Variants in TPCN1 observed in about 807,000 individuals in gnomAD.
TPCN1 encodes the protein two pore segment channel 1.
A neutral mutation model predicts 108.8 loss-of-function variants in TPCN1; 52 were observed. The observed-to-expected ratio is 0.48, with a 90% CI of 0.38 to 0.60. The LOEUF is 0.60. TPCN1 is among the 20% of genes least tolerant of loss of function. The pLI, the probability that TPCN1 is intolerant of heterozygous loss-of-function variation, is 0.00. For synonymous variants in TPCN1, 446 were observed against 433.7 expected (o/e 1.03, Z -0.35); for missense variants, 806 against 1,072.8 (o/e 0.75, Z 3.47).
intron 17 of TPCN1, 56 bp from the exon 18 acceptor site, chr12:113,285,833 C>A (rs943973872): frequency 1.3e-6 from 2 of 1,488,880 alleles, no homozygotes; most frequent in Non-Finnish European, 9.4e-7. Flanking sequence ...AAGAGGAGAC[C>A]GAGCATGGGG....
chr12:113,222,516 G>A (rs1014307980), intron 1 of TPCN1, among the ~76,000 whole-genome samples: 2 of 152,206 alleles, frequency 1.3e-5, no homozygotes, highest in Non-Finnish European at 2.9e-5. Flanking sequence ...AGTTGTGACA[G>A]TCAAGATGTC....
intron 2 of TPCN1, among the ~76,000 whole-genome samples, chr12:113,256,135 T>TA (rs981674531): frequency 2.6e-5 from 4 of 152,194 alleles, no homozygotes; most frequent in African/African-American, 4.8e-5. Flanking sequence ...TTTTTTTACT[T>TA]AAAAAAAATT....
At chr12:113,281,073 AG>A (rs1310712300) in intron 15 of TPCN1, among the ~76,000 whole-genome samples, 5 of 151,782 alleles carry the variant, frequency 3.3e-5, no homozygotes, top group Admixed American at 2.0e-4. Context: ...TTTTTGAGAC[AG>A]AGTCTCATTC....
chr12:113,287,037 C>T lies in TPCN1; in HGVS notation c.1577C>T (p.Ala526Val). The T allele has an allele frequency of 2.5e-6, 4 of 1,613,904 alleles. No homozygotes were observed. Among genetic ancestry groups the T allele is most frequent in the Non-Finnish European group, 3.4e-6 (4 of 1,179,986 alleles). The change falls in exon 19 of 28, where the codon GCC becomes GTC. Residue 526 changes from alanine (A) to valine (V), a missense_variant. By Grantham distance (64) the Ala-to-Val change is moderately conservative. Coordinates refer to ENST00000335509, the MANE Select transcript of TPCN1 (RefSeq NM_017901.6). ...GCCTTCCTGGGACTGCTGGCGCTGG[C>T]CCTCAACATGGAGCCCTTCTATTTC... ...VFAFLGLLAL[A>V]LNMEPFYFIV...
chr12:113,235,920 AGAAAG>A (rs940879031), intron 2 of TPCN1, among the ~76,000 whole-genome samples: 6 of 152,158 alleles, frequency 3.9e-5, no homozygotes, highest in African/African-American at 1.4e-4. Context: ...TTCTCCCAGA[AGAAAG>A]GAATAGGGGA....
At position 113,284,542 on chromosome 12, in the gene TPCN1, C is replaced by G. The variant is rs953788928; in HGVS notation, c.1343-39C>G. On this transcript the variant is annotated intron_variant, in intron 15 of 27. Transcript: ENST00000335509. The surrounding 1 kb of genome is among the most constrained non-coding windows in gnomAD (Gnocchi z 4.1). ...GCGACCTGCAGATTTCTAAGCCCCC[C>G]TGTTATTTCTCTGTCTTTTACGGGC... 1 of 1,612,096 alleles carries G rather than the reference C, an allele frequency of 6.2e-7. No homozygotes were observed. The highest frequency in any genetic ancestry group is 8.5e-7 in the Non-Finnish European group (1 of 1,178,900).
intron 23 of TPCN1, 135 bp from the exon 24 acceptor site, chr12:113,291,474 C>T (rs1219821645): frequency 2.7e-6 from 2 of 749,334 alleles, no homozygotes; most frequent in South Asian, 1.7e-5. Flanking sequence ...GGCAAGCTTC[C>T]TCTCCTCCAT....
intron 15 of TPCN1, 197 bp downstream of exon 15, chr12:113,280,392 G>C (rs1477633215): frequency 1.5e-5 from 7 of 473,644 alleles, no homozygotes; most frequent in Non-Finnish European, 2.3e-5. Context: ...TCTTCACTCC[G>C]GCTCATCATC....
chr12:113,280,126 T>C, intron 14 of TPCN1, 25 bp from the exon 15 acceptor site: 1 of 1,575,568 alleles, frequency 6.3e-7, no homozygotes, highest in Non-Finnish European at 8.7e-7. Flanking sequence ...AAATTTACAT[T>C]TTAACTTGTC....
At chr12:113,256,194 T>TATTG (rs1414763111) in intron 2 of TPCN1, among the ~76,000 whole-genome samples, 3 of 152,172 alleles carry the variant, frequency 2.0e-5, no homozygotes, top group East Asian at 1.9e-4. Flanking sequence ...GCTAGGTTTC[T>TATTG]ATTGATTGAT....
At chr12:113,292,304 C>T (rs1956294127) in intron 25 of TPCN1, 1 of 306,714 alleles carries the variant, frequency 3.3e-6, no homozygotes, top group African/African-American at 2.2e-5. Flanking sequence ...TGTTAGTCAT[C>T]TCCACGTTTC....
rs1233806061 is a variant in TPCN1, at chr12:113,284,926, C to A, written c.1453+155C>A. Among the ~76,000 whole-genome samples, 1 of 152,238 alleles carries A rather than the reference C, an allele frequency of 6.6e-6. No individual in the cohort carries two copies. The highest frequency in any genetic ancestry group is 1.5e-5 in the Non-Finnish European group (1 of 68,046). ...TTCCATCTCGTCCCCGTTTAAAACT[C>A]TTTCGTGGTTGTCCGCTGCCCTCTG... On this transcript the variant is annotated intron_variant, in intron 17 of 27. Transcript: ENST00000335509. The surrounding 1 kb of genome is among the most constrained non-coding windows in gnomAD (Gnocchi z 4.1).
At position 113,288,243 on chromosome 12, in the gene TPCN1, A is replaced by C; in HGVS notation, c.1706+9A>C. ...CTGCCCCGGATGGCCAGGTACTGCCAGCCCCCACCCTGGCCTGCAGGTCCA... is the reference window on the plus strand; with the variant it reads ...CTGCCCCGGATGGCCAGGTACTGCCCGCCCCCACCCTGGCCTGCAGGTCCA... On this transcript the variant is annotated intron_variant, in intron 20 of 27. Coordinates refer to ENST00000335509, the MANE Select transcript of TPCN1 (RefSeq NM_017901.6). This position sits in a 1 kb window ranked among gnomAD's most constrained non-coding sequence, Gnocchi z 4.8. 6.2e-7 allele frequency: 1 copy of C among 1,613,650 alleles called. No individual in the cohort carries two copies. Among genetic ancestry groups the C allele is most frequent in the Non-Finnish European group, 8.5e-7 (1 of 1,179,918 alleles).
At chr12:113,245,783 C>T in intron 2 of TPCN1, 3 of 362,644 alleles carry the variant, frequency 8.3e-6, no homozygotes, top group South Asian at 4.0e-5. Flanking sequence ...GCCGGGCTGC[C>T]CCCTGCGCCT....
At position 113,273,434 on chromosome 12, in the gene TPCN1, G is replaced by A; in HGVS notation, c.843-135G>A. 8.0e-7 allele frequency: 1 copy of A among 1,243,008 alleles called. No homozygotes were observed. The highest frequency in any genetic ancestry group is 1.2e-6 in the Non-Finnish European group (1 of 847,184). 77.0% of individuals were successfully genotyped at this position (1,243,008 alleles called of 1,614,324 possible). A position where few individuals can be genotyped will look rare whatever the true frequency, so the allele number is the denominator to read the frequency against. On this transcript the variant is annotated intron_variant, in intron 9 of 27. Transcript: ENST00000335509. The surrounding 1 kb of genome is among the most constrained non-coding windows in gnomAD (Gnocchi z 4.0). Reference sequence around the variant, plus strand: ...ACAGGGTTGGCCCACTGAGCACGGAGCCCAGGGATGAGAGTAGGGGAACCA... The same window carrying A: ...ACAGGGTTGGCCCACTGAGCACGGAACCCAGGGATGAGAGTAGGGGAACCA...
At chr12:113,264,772 A>G (rs766706372) in intron 3 of TPCN1, among the ~76,000 whole-genome samples, 26 of 152,214 alleles carry the variant, frequency 1.7e-4, no homozygotes, top group Non-Finnish European at 2.9e-4. Context: ...GTCAATTAAA[A>G]CAAAGTAGGG....
intron 2 of TPCN1, among the ~76,000 whole-genome samples, chr12:113,251,563 T>A (rs1310267504): frequency 6.6e-6 from 1 of 152,240 alleles, no homozygotes; most frequent in Non-Finnish European, 1.5e-5. Flanking sequence ...ATGTTTTGTC[T>A]CTGTGTTGCT....
chr12:113,284,067 C>T lies in TPCN1; in HGVS notation c.1343-514C>T, dbSNP rs1394322335. ...TACTGATGATCATTGAGATTGTTGC[C>T]AGTGTTTTGCTATCACAATAGTGCT... is the stretch of plus-strand genomic sequence containing the variant. On this transcript the variant is annotated intron_variant, in intron 15 of 27. Coordinates refer to ENST00000335509, the MANE Select transcript of TPCN1 (RefSeq NM_017901.6). The surrounding 1 kb of genome is among the most constrained non-coding windows in gnomAD (Gnocchi z 4.1). 1.3e-5 allele frequency among the ~76,000 whole-genome samples: 2 copies of T among 152,272 alleles called. No homozygotes were observed. The highest frequency in any genetic ancestry group is 2.1e-4 in the South Asian group (1 of 4,824).
At chr12:113,263,667 G>A (rs1292384257) in intron 3 of TPCN1, among the ~76,000 whole-genome samples, 1 of 152,222 alleles carries the variant, frequency 6.6e-6, no homozygotes, top group Non-Finnish European at 1.5e-5. Context: ...AGGGTGTCTG[G>A]TGCCTGCAGT....
Sources: gnomAD v4.1 joint callset for allele counts (sites outside exome capture counted in the v4.1 genomes callset) on GRCh38, gnomAD v4.1.1 for gene constraint, Gnocchi (gnomAD v3.1) non-coding constraint, MANE v1.5 for transcripts, NCBI Gene and HGNC (gene_info 2026-07-23, HGNC 2026-07-21) for gene names.